The following PDE1C variants were observed in gnomAD, a reference collection of about 807,000 sequenced individuals.
PDE1C encodes the protein phosphodiesterase 1C.
A neutral mutation model predicts 93.1 loss-of-function variants in PDE1C; 62 were observed. The observed-to-expected ratio is 0.67, with a 90% CI of 0.54 to 0.82. The LOEUF (loss-of-function observed/expected upper bound fraction) is 0.82. PDE1C is among the 40% of genes least tolerant of loss of function. The pLI, the probability that PDE1C is intolerant of heterozygous loss-of-function variation, is 0.00. For synonymous variants in PDE1C, 325 were observed against 310.1 expected, an observed-to-expected ratio of 1.05 and a Z score of -0.50; for missense variants, 742 against 884.6, an observed-to-expected ratio of 0.84 and a Z score of 2.04.
intron 1 of PDE1C, among the ~76,000 whole-genome samples, chr7:32,291,269 C>G (rs1287256469): frequency 6.6e-6 from 1 of 152,206 alleles, no homozygotes; most frequent in Non-Finnish European, 1.5e-5. Context: ...GACTGTCTCT[C>G]AAATCCAACA....
chr7:31,720,040 G>A, the PDE1C span, among the ~76,000 whole-genome samples: 2 of 151,470 alleles, frequency 1.3e-5, no homozygotes, highest in Non-Finnish European at 2.9e-5. Flanking sequence ...GCGGGCGCCT[G>A]TAGTCCCAGC....
intron 6 of PDE1C, among the ~76,000 whole-genome samples, chr7:31,865,293 A>G (rs1795158610): frequency 6.6e-6 from 1 of 152,204 alleles, no homozygotes. Context: ...CTGCCTTGTA[A>G]ATTTTTCTTT....
At chr7:32,189,568 AT>A (rs536804530) in intron 2 of PDE1C, among the ~76,000 whole-genome samples, 19 of 152,240 alleles carry the variant, frequency 1.2e-4, no homozygotes, top group African/African-American at 4.3e-4. Context: ...TCCAGGGCTG[AT>A]TTTTAACCTC....
At chr7:31,633,453 G>A in the PDE1C span, among the ~76,000 whole-genome samples, 1 of 152,120 alleles carries the variant, frequency 6.6e-6, no homozygotes, top group African/African-American at 2.4e-5. Flanking sequence ...GAAGGGAGGT[G>A]GCACCATCCT....
chr7:31,963,191 TCTA>T (rs756016769), intron 2 of PDE1C, among the ~76,000 whole-genome samples: 5 of 152,188 alleles, frequency 3.3e-5, no homozygotes, highest in African/African-American at 4.8e-5. Flanking sequence ...TGCCAGGCAC[TCTA>T]CTAAGTATTT....
chr7:32,304,826 A>G (rs924799139), intron 1 of PDE1C, among the ~76,000 whole-genome samples: 3 of 152,094 alleles, frequency 2.0e-5, no homozygotes, highest in African/African-American at 7.2e-5. Flanking sequence ...GTAAACATTC[A>G]ATTTTACTTA....
At chr7:32,211,360 C>G (rs540337277) in intron 1 of PDE1C, among the ~76,000 whole-genome samples, 1 of 152,206 alleles carries the variant, frequency 6.6e-6, no homozygotes, top group Non-Finnish European at 1.5e-5. Flanking sequence ...AGAACCACCA[C>G]ATGAATATAA....
At chr7:32,336,884 C>T (rs537830786) in intron 1 of PDE1C, among the ~76,000 whole-genome samples, 27 of 152,258 alleles carry the variant, frequency 1.8e-4, no homozygotes, top group Non-Finnish European at 3.7e-4. Context: ...AGTATTTCAA[C>T]AAGTAATATT....
At chr7:32,108,454 C>CAT (rs1563319121) in intron 3 of PDE1C, among the ~76,000 whole-genome samples, 1 of 151,612 alleles carries the variant, frequency 6.6e-6, no homozygotes, top group Non-Finnish European at 1.5e-5. Flanking sequence ...CACACACACA[C>CAT]ACAGAAGGAG....
rs148044749 is a variant in PDE1C at position 32,371,332 on chromosome 7, G to A, written c.310+56490C>T. On this transcript the variant is annotated intron_variant, in intron 1 of 1. Transcript: ENST00000672256. ...GAGCACCCCGTTACATGCCCACTAA[G>A]CAACCAAATTTTCTTCATAGCACTT... 1.1e-3 allele frequency among the ~76,000 whole-genome samples: 162 copies of A among 152,274 alleles called. 2 individuals carry two copies. Among genetic ancestry groups the A allele is most frequent in the African/African-American group, 3.7e-3 (154 of 41,554 alleles).
chr7:32,009,042 A>G (rs1165059875), intron 2 of PDE1C, among the ~76,000 whole-genome samples: 1 of 152,246 alleles, frequency 6.6e-6, no homozygotes, highest in East Asian at 1.9e-4. Flanking sequence ...GATTCTGCCC[A>G]AAATGAAGAA....
At chr7:31,662,106 C>T in the PDE1C span, among the ~76,000 whole-genome samples, 15 of 152,230 alleles carry the variant, frequency 9.9e-5, no homozygotes, top group African/African-American at 3.6e-4. Flanking sequence ...CCAGTCCTTC[C>T]AGAGCTGTAG....
intron 2 of PDE1C, among the ~76,000 whole-genome samples, chr7:31,907,454 T>C (rs1207031960): frequency 6.6e-6 from 1 of 152,168 alleles, no homozygotes; most frequent in East Asian, 1.9e-4. Context: ...AACAGAGTTA[T>C]ATGAACTACT....
At chr7:32,068,973 G>A (rs1003483393) in intron 1 of PDE1C, among the ~76,000 whole-genome samples, 3 of 152,204 alleles carry the variant, frequency 2.0e-5, no homozygotes, top group Non-Finnish European at 2.9e-5. Flanking sequence ...GAGCTGCTGC[G>A]TTGCAGGCAT....
chr7:31,677,351 C>A, the PDE1C span, among the ~76,000 whole-genome samples: 2 of 152,098 alleles, frequency 1.3e-5, no homozygotes, highest in Non-Finnish European at 2.9e-5. Flanking sequence ...GAATACACCA[C>A]AAAGAAAACT....
intron 1 of PDE1C, among the ~76,000 whole-genome samples, chr7:32,422,526 G>A (rs1477273656): frequency 6.8e-6 from 1 of 146,186 alleles, no homozygotes; most frequent in African/African-American, 2.5e-5. Context: ...GTCTATTGTT[G>A]CCATATTTAT....
chr7:31,794,318 C>T (rs1785027538), intron 16 of PDE1C, among the ~76,000 whole-genome samples: 1 of 151,870 alleles, frequency 6.6e-6, no homozygotes, highest in Non-Finnish European at 1.5e-5. Context: ...TGGCAAAAAC[C>T]CCATTTACTT....
intron 1 of PDE1C, among the ~76,000 whole-genome samples, chr7:32,355,145 G>A (rs1585122610): frequency 6.6e-6 from 1 of 152,152 alleles, no homozygotes; most frequent in Non-Finnish European, 1.5e-5. Flanking sequence ...CACCCACAAA[G>A]CAGTGCAGAA....
At chr7:31,905,174 G>A (rs1800439857) in intron 2 of PDE1C, among the ~76,000 whole-genome samples, 1 of 152,048 alleles carries the variant, frequency 6.6e-6, no homozygotes, top group Non-Finnish European at 1.5e-5. Flanking sequence ...GAAATAAAAA[G>A]CAAACAAGTC....
Sources: allele counts gnomAD v4.1 joint callset (sites outside exome capture counted in the v4.1 genomes callset), GRCh38; gene constraint gnomAD v4.1.1; transcripts MANE v1.5; gene names NCBI Gene and HGNC (gene_info 2026-07-23, HGNC 2026-07-21).